PTPRT: variants seen among roughly 807,000 people sequenced by gnomAD.
PTPRT encodes the protein protein tyrosine phosphatase receptor type T, also known as receptor-type tyrosine-protein phosphatase T.
In PTPRT, 56 loss-of-function variants were observed where a neutral mutation model predicts 176.8. That is an observed-to-expected ratio of 0.32 (90% CI 0.26 to 0.40). The LOEUF (loss-of-function observed/expected upper bound fraction) is 0.40, where lower values mean the gene tolerates loss of function less well. Ranked by LOEUF, PTPRT falls within the 10% of genes least tolerant of loss-of-function variation. PTPRT has a pLI of 1.00. For synonymous variants in PTPRT, 783 were observed against 739.0 expected (o/e 1.06, Z -0.96); for missense variants, 1,540 against 1,908.2 (o/e 0.81, Z 3.60).
At chr20:42,709,845 A>T in intron 6 of PTPRT, among the ~76,000 whole-genome samples, 1 of 152,178 alleles carries the variant, frequency 6.6e-6, no homozygotes, top group East Asian at 1.9e-4. Context: ...GGCCAGGCTG[A>T]TGAGGTCTTA....
chr20:42,684,780 A>T (rs758210192), intron 6 of PTPRT, among the ~76,000 whole-genome samples: 44 of 152,154 alleles, frequency 2.9e-4, no homozygotes, highest in Non-Finnish European at 5.6e-4. Flanking sequence ...AATAACAGAT[A>T]TCTATCAAAA....
chr20:42,848,017 T>C (rs1333609273), intron 2 of PTPRT, among the ~76,000 whole-genome samples: 1 of 152,098 alleles, frequency 6.6e-6, no homozygotes, highest in East Asian at 1.9e-4. Context: ...CCAAAGTCAT[T>C]GTGTCATTCT....
chr20:43,164,802 T>G (rs1245732648), intron 1 of PTPRT, among the ~76,000 whole-genome samples: 1 of 152,208 alleles, frequency 6.6e-6, no homozygotes, highest in Non-Finnish European at 1.5e-5. Context: ...TTTCATAGAA[T>G]CTTTGAGTAC....
At chr20:42,761,951 A>C (rs1471731695) in intron 5 of PTPRT, among the ~76,000 whole-genome samples, 1 of 152,214 alleles carries the variant, frequency 6.6e-6, no homozygotes, top group Non-Finnish European at 1.5e-5. Flanking sequence ...CTGTGAAAGG[A>C]GGGTAGAGAG....
intron 7 of PTPRT, among the ~76,000 whole-genome samples, chr20:42,529,866 GA>G (rs1330223195): frequency 7.3e-6 from 1 of 137,108 alleles, no homozygotes; most frequent in Non-Finnish European, 1.6e-5. Flanking sequence ...AAAAAAAAAA[GA>G]AAAAAAAGAC....
intron 1 of PTPRT, among the ~76,000 whole-genome samples, chr20:43,067,009 G>C (rs1171302403): frequency 6.6e-6 from 1 of 152,188 alleles, no homozygotes; most frequent in Non-Finnish European, 1.5e-5. Flanking sequence ...TGTTCTGCAG[G>C]AATAAAGAAC....
intron 7 of PTPRT, among the ~76,000 whole-genome samples, chr20:42,533,453 T>C (rs2072422019): frequency 6.6e-6 from 1 of 152,170 alleles, no homozygotes; most frequent in Non-Finnish European, 1.5e-5. Flanking sequence ...GTCAATCAAT[T>C]ACCTGGAAAC....
intron 13 of PTPRT, among the ~76,000 whole-genome samples, chr20:42,268,083 G>A (rs1272262446): frequency 6.6e-6 from 1 of 152,126 alleles, no homozygotes; most frequent in African/African-American, 2.4e-5. Context: ...GTGCTGATAT[G>A]AAAAGAGGCT....
chr20:43,131,022 A>T (rs1214762159), intron 1 of PTPRT, among the ~76,000 whole-genome samples: 2 of 152,254 alleles, frequency 1.3e-5, no homozygotes, highest in African/African-American at 4.8e-5. Flanking sequence ...ACCATGTGTC[A>T]CCAGTCTGCA....
At chr20:43,008,969 C>T (rs1984991477) in intron 1 of PTPRT, among the ~76,000 whole-genome samples, 1 of 152,172 alleles carries the variant, frequency 6.6e-6, no homozygotes, top group African/African-American at 2.4e-5. Context: ...CCTGACTTCA[C>T]ATGTCAAGGG....
chr20:42,276,871 T>C (rs1001189872), intron 13 of PTPRT, among the ~76,000 whole-genome samples: 2 of 151,976 alleles, frequency 1.3e-5, no homozygotes, highest in Admixed American at 6.6e-5. Flanking sequence ...ACTCCTCCTC[T>C]GGGCCCCAGT....
At chr20:42,575,263 G>T (rs1218736047) in intron 7 of PTPRT, among the ~76,000 whole-genome samples, 3 of 152,176 alleles carry the variant, frequency 2.0e-5, no homozygotes, top group African/African-American at 7.2e-5. Flanking sequence ...GTGAAAGCAA[G>T]GTCAAGGTTT....
At chr20:42,226,626 T>A (rs2056017905) in intron 15 of PTPRT, among the ~76,000 whole-genome samples, 1 of 152,216 alleles carries the variant, frequency 6.6e-6, no homozygotes, top group Non-Finnish European at 1.5e-5. Context: ...GGATCCCATC[T>A]TTGCTACAGC....
At chr20:42,601,930 T>A (rs536427923) in intron 7 of PTPRT, among the ~76,000 whole-genome samples, 45 of 152,222 alleles carry the variant, frequency 3.0e-4, no homozygotes, top group Admixed American at 2.4e-3. Context: ...GATGCAGGCA[T>A]GGTGAACACC....
intron 1 of PTPRT, among the ~76,000 whole-genome samples, chr20:42,999,061 T>A (rs953426424): frequency 1.3e-5 from 2 of 152,234 alleles, no homozygotes; most frequent in Admixed American, 6.5e-5. Flanking sequence ...TTTTGTTTAG[T>A]TACTGTACAT....
intron 7 of PTPRT, among the ~76,000 whole-genome samples, chr20:42,613,930 T>C (rs182222973): frequency 3.5e-5 from 5 of 143,068 alleles, no homozygotes; most frequent in Admixed American, 1.5e-4. Context: ...GACAAAAAAA[T>C]ATACATCCCT....
chr20:42,184,929 C>T (rs902865524), intron 16 of PTPRT, among the ~76,000 whole-genome samples: 2 of 151,906 alleles, frequency 1.3e-5, no homozygotes, highest in Non-Finnish European at 2.9e-5. Flanking sequence ...AGTCACTGCA[C>T]CCAGCTCATT....
rs13038645 is a variant in PTPRT, at chr20:42,620,550, C to T, written c.1153+57316G>A. Among the ~76,000 whole-genome samples, 28 of 147,718 alleles carry T rather than the reference C, an allele frequency of 1.9e-4. 1 individual carries two copies. The highest frequency in any genetic ancestry group is 1.3e-4 in the Admixed American group (2 of 14,932). ...CGCCCCTCCCCCAGCCTCGTTGTCG[C>T]CTTGCAGTTTGATCTCAGACTGCTG... is the stretch of plus-strand genomic sequence containing the variant. On this transcript the variant is annotated intron_variant, in intron 7 of 30. Coordinates refer to ENST00000373187, the MANE Select transcript of PTPRT (RefSeq NM_007050.6).
At chr20:42,208,856 ACAC>A (rs758604923) in intron 15 of PTPRT, among the ~76,000 whole-genome samples, 58 of 152,302 alleles carry the variant, frequency 3.8e-4, no homozygotes, top group Non-Finnish European at 7.1e-4. Flanking sequence ...TTTCAGCACC[ACAC>A]CACACCTATT....
Sources: gnomAD v4.1 joint callset for allele counts (sites outside exome capture counted in the v4.1 genomes callset) on GRCh38, gnomAD v4.1.1 for gene constraint, MANE v1.5 for transcripts, NCBI Gene and HGNC (gene_info 2026-07-23, HGNC 2026-07-21) for gene names.